Variants in NCOA2 observed in about 807,000 individuals in gnomAD.
NCOA2 encodes nuclear receptor coactivator 2, also known as class E basic helix-loop-helix protein 75.
In NCOA2, 21 loss-of-function variants were observed where a neutral mutation model predicts 145.1. The observed-to-expected ratio is 0.14, with a 90% confidence interval of 0.10 to 0.21. NCOA2 has a LOEUF of 0.21. Ranked by LOEUF, NCOA2 falls within the 10% of genes least tolerant of loss-of-function variation. NCOA2 has a pLI of 1.00. For missense variants in NCOA2, 1,472 were observed against 1,837.6 expected (o/e 0.80, Z 3.64); for synonymous variants, 619 against 637.5 (o/e 0.97, Z 0.44).
chr8:70,401,088 A>AAC (rs927877557), intron 1 of NCOA2, among the ~76,000 whole-genome samples: 16 of 152,016 alleles, frequency 1.1e-4, no homozygotes, highest in African/African-American at 3.9e-4. Flanking sequence ...AAAGAACAGG[A>AAC]ACACACACAC....
chr8:70,174,909 G>C (rs138699221), intron 4 of NCOA2, 50 bp from the exon 5 acceptor site: 26 of 1,492,490 alleles, frequency 1.7e-5, no homozygotes, highest in African/African-American at 9.6e-5. Context: ...TTCAAGGACA[G>C]AGTGACACAG....
At chr8:70,198,280 G>A (rs1443394021) in intron 4 of NCOA2, among the ~76,000 whole-genome samples, 1 of 152,212 alleles carries the variant, frequency 6.6e-6, no homozygotes, top group African/African-American at 2.4e-5. Flanking sequence ...AAGCCAAAAT[G>A]ATGTATACAT....
chr8:70,361,400 GCAGGAGAATCACTTGAACC>G (rs1810186677), intron 1 of NCOA2, among the ~76,000 whole-genome samples: 1 of 151,854 alleles, frequency 6.6e-6, no homozygotes, highest in African/African-American at 2.4e-5. Context: ...AGTAGGCTAG[GCAGGAGAATCACTTGAACC>G]CAGGAGGCTC....
rs1040039747 is a variant in NCOA2 at position 70,350,073 on chromosome 8, C to A, written c.-76-53273G>T. Among the ~76,000 whole-genome samples, 4 of 152,030 alleles carry A rather than the reference C, an allele frequency of 2.6e-5. No homozygotes were observed. The East Asian group carries it at 5.8e-4, about 22-fold the overall frequency. On this transcript the variant is annotated intron_variant, in intron 1 of 22. Coordinates refer to ENST00000452400, the MANE Select transcript of NCOA2 (RefSeq NM_006540.4). ...TATACTGTTACGTAGCCAGACACTTCATTATTTTTATTTAACAGAACATAT... is the reference window on the plus strand; with the variant it reads ...TATACTGTTACGTAGCCAGACACTTAATTATTTTTATTTAACAGAACATAT...
At chr8:70,290,695 A>G (rs970943112) in intron 2 of NCOA2, among the ~76,000 whole-genome samples, 11 of 152,206 alleles carry the variant, frequency 7.2e-5, no homozygotes, top group Admixed American at 7.2e-4. Context: ...AAAGAATCAC[A>G]GTAAAATAAA....
At chr8:70,440,402 G>A in the NCOA2 span, among the ~76,000 whole-genome samples, 2 of 152,112 alleles carry the variant, frequency 1.3e-5, no homozygotes, top group Admixed American at 6.6e-5. Context: ...GTAAAACCCC[G>A]TCTCTAACAA....
In NCOA2 at chr8:70,364,022, A is replaced by C. The variant is rs531908144; in HGVS notation, c.-77+39678T>G. 3.1e-3 allele frequency among the ~76,000 whole-genome samples: 466 copies of C among 152,140 alleles called. 5 individuals carry two copies. Among genetic ancestry groups the C allele is most frequent in the African/African-American group, 0.011 (451 of 41,456 alleles). On this transcript the variant is annotated intron_variant, in intron 1 of 22. Transcript: ENST00000452400. Reference sequence around the variant, plus strand: ...GTGGGATACAACAATGAAAAAAAAAACCCACAAATAAAGACTCAAAGAATG... The same window carrying C: ...GTGGGATACAACAATGAAAAAAAAACCCCACAAATAAAGACTCAAAGAATG...
chr8:70,302,857 GA>G (rs1430077561), intron 1 of NCOA2, among the ~76,000 whole-genome samples: 1 of 152,006 alleles, frequency 6.6e-6, no homozygotes, highest in East Asian at 1.9e-4. Flanking sequence ...CAGATATATA[GA>G]AAAAATATAT....
intron 2 of NCOA2, among the ~76,000 whole-genome samples, chr8:70,283,996 T>G (rs761736300): frequency 2.0e-5 from 3 of 152,216 alleles, no homozygotes; most frequent in Non-Finnish European, 4.4e-5. Context: ...TGTTTAGAAG[T>G]ATTCCTCTTG....
intron 2 of NCOA2, among the ~76,000 whole-genome samples, chr8:70,236,982 GCT>G (rs1358356437): frequency 2.0e-5 from 3 of 152,026 alleles, no homozygotes; most frequent in Non-Finnish European, 2.9e-5. Flanking sequence ...CATATTTTAA[GCT>G]CTTTGAAAGA....
intron 1 of NCOA2, among the ~76,000 whole-genome samples, chr8:70,317,582 A>AG (rs1805704583): frequency 6.6e-6 from 1 of 152,212 alleles, no homozygotes; most frequent in East Asian, 1.9e-4. Context: ...AGTAAGTGTT[A>AG]GGTCCCAGAA....
chr8:70,159,243 T>TATATATATATATATATGTATATATA (rs869045939), intron 10 of NCOA2, among the ~76,000 whole-genome samples: 5 of 82,066 alleles, frequency 6.1e-5, no homozygotes, highest in East Asian at 7.9e-4. Context: ...TATATATATA[T>TATATATATATATATATGTATATATA]TTTTTTTTTT....
At position 70,167,510 on chromosome 8, in the gene NCOA2, T is replaced by TGCC. The variant is rs1304963410; in HGVS notation, c.542-759_542-757dup. Among the ~76,000 whole-genome samples, 4 of 152,206 alleles carry TGCC rather than the reference T, an allele frequency of 2.6e-5. No individual in the cohort carries two copies. The East Asian group carries it at 7.7e-4, about 29-fold the overall frequency. On this transcript the variant is annotated intron_variant, in intron 6 of 22. Coordinates refer to ENST00000452400, the MANE Select transcript of NCOA2 (RefSeq NM_006540.4). The stretch of plus-strand genomic sequence containing the variant: ...TACTTTACTAACTACTCCCCCATAC[T>TGCC]GCCTCCTTGGGCAGATTTTTCTTTT...
chr8:70,431,420 A>T, the NCOA2 span, among the ~76,000 whole-genome samples: 1 of 152,220 alleles, frequency 6.6e-6, no homozygotes, highest in Non-Finnish European at 1.5e-5. Context: ...ATAAAACAAA[A>T]ATAGACCCAA....
chr8:70,405,983 C>T (rs1384204362), upstream of NCOA2, among the ~76,000 whole-genome samples: 1 of 152,278 alleles, frequency 6.6e-6, no homozygotes, highest in African/African-American at 2.4e-5. Context: ...GTGACTTAAA[C>T]GCGCTCTGGT....
At chr8:70,319,674 T>C (rs149737226) in intron 1 of NCOA2, among the ~76,000 whole-genome samples, 130 of 152,320 alleles carry the variant, frequency 8.5e-4, no homozygotes, top group African/African-American at 2.9e-3. Context: ...TAATCTTTGG[T>C]AAATAAAGCT....
chr8:70,388,792 AAG>A (rs1022630858), intron 1 of NCOA2, among the ~76,000 whole-genome samples: 34 of 152,256 alleles, frequency 2.2e-4, no homozygotes, highest in African/African-American at 7.0e-4. Context: ...CGCAGACAGA[AAG>A]AGGTCTCAGG....
chr8:70,151,162 T>C (rs1200515449), intron 11 of NCOA2, among the ~76,000 whole-genome samples: 3 of 152,104 alleles, frequency 2.0e-5, no homozygotes, highest in South Asian at 2.1e-4. Context: ...AATAAATAGG[T>C]CCATGTAAAC....
intron 2 of NCOA2, among the ~76,000 whole-genome samples, chr8:70,284,531 A>G (rs1176337422): frequency 6.6e-6 from 1 of 152,202 alleles, no homozygotes; most frequent in Admixed American, 6.5e-5. Context: ...AGGGAAGACT[A>G]TAATAGGGAG....
Sources: allele counts gnomAD v4.1 joint callset (sites outside exome capture counted in the v4.1 genomes callset), GRCh38; gene constraint gnomAD v4.1.1; transcripts MANE v1.5; gene names NCBI Gene and HGNC (gene_info 2026-07-23, HGNC 2026-07-21).